Variants in CUEDC1 observed in about 807,000 individuals in gnomAD.
CUEDC1 encodes CUE domain containing 1.
A neutral mutation model predicts 43.7 loss-of-function variants in CUEDC1; 30 were observed. That is an observed-to-expected ratio of 0.69 (90% CI 0.51 to 0.93). The LOEUF (loss-of-function observed/expected upper bound fraction) is 0.93. Ranked by LOEUF, CUEDC1 falls within the 40% of genes least tolerant of loss-of-function variation. The probability of loss-of-function intolerance (pLI) is 0.00; values close to 1 mark genes in which losing one functional copy is unlikely to be tolerated. For synonymous variants in CUEDC1, 223 were observed against 223.6 expected (o/e 1.00, Z 0.02); for missense variants, 486 against 549.0 (o/e 0.89, Z 1.15).
At chr17:57,867,952 C>T (rs566128489) in intron 8 of CUEDC1, among the ~76,000 whole-genome samples, 198 bp downstream of exon 8, 1 of 152,286 alleles carries the variant, frequency 6.6e-6, no homozygotes, top group South Asian at 2.1e-4. Flanking sequence ...GCTCCCTAGG[C>T]CTGGTCCCTG....
At chr17:57,940,292 A>G (rs2074905688) in intron 1 of CUEDC1, among the ~76,000 whole-genome samples, 3 of 151,640 alleles carry the variant, frequency 2.0e-5, no homozygotes, top group African/African-American at 7.3e-5. Flanking sequence ...TAAGCGATTC[A>G]GCCAGAGGCA....
chr17:57,949,675 C>T (rs545254613), intron 1 of CUEDC1, among the ~76,000 whole-genome samples: 12 of 148,884 alleles, frequency 8.1e-5, no homozygotes, highest in African/African-American at 2.5e-4. Flanking sequence ...CAGGCTCAAG[C>T]GATCCTCCCA....
At chr17:57,908,986 G>A (rs915984412) in intron 1 of CUEDC1, among the ~76,000 whole-genome samples, 2 of 151,676 alleles carry the variant, frequency 1.3e-5, no homozygotes. Flanking sequence ...GACAGAACGA[G>A]ACTGTCTCAA....
rs117785235 is a variant in CUEDC1, at chr17:57,926,346, G to A, written c.-316+28879C>T. ...CACCAAGCCAAAAAGGTGGGCAGGAGGAAAGAGCATTGGCCTAGCAGTCAG... is the reference window on the plus strand; with the variant it reads ...CACCAAGCCAAAAAGGTGGGCAGGAAGAAAGAGCATTGGCCTAGCAGTCAG... On this transcript the variant is annotated intron_variant, in intron 1 of 10. Transcript: ENST00000577830. Among the ~76,000 whole-genome samples, 1,001 of 152,258 alleles carry A rather than the reference G, an allele frequency of 6.6e-3. 2 individuals are homozygous for A. The highest frequency in any genetic ancestry group is 0.01 in the Non-Finnish European group (690 of 68,026).
intron 1 of CUEDC1, among the ~76,000 whole-genome samples, chr17:57,951,407 T>A (rs1209709418): frequency 6.6e-6 from 1 of 152,062 alleles, no homozygotes; most frequent in African/African-American, 2.4e-5. Flanking sequence ...GATGAAAATG[T>A]GCACAAAATA....
chr17:57,882,058 T>C (rs780559275), intron 2 of CUEDC1, among the ~76,000 whole-genome samples: 1 of 152,290 alleles, frequency 6.6e-6, no homozygotes, highest in East Asian at 1.9e-4. Context: ...GCTTAACTCA[T>C]TGTGGGTGAT....
chr17:57,946,738 C>G (rs1165008155), intron 1 of CUEDC1, among the ~76,000 whole-genome samples: 1 of 152,104 alleles, frequency 6.6e-6, no homozygotes, highest in Non-Finnish European at 1.5e-5. Flanking sequence ...TTCCCTAGCT[C>G]GAGGCTCAGT....
At chr17:57,918,330 C>T (rs142232366) in intron 1 of CUEDC1, among the ~76,000 whole-genome samples, 1 of 152,288 alleles carries the variant, frequency 6.6e-6, no homozygotes, top group East Asian at 1.9e-4. Flanking sequence ...CTGGGTCTGC[C>T]AGTTCTCCCC....
chr17:57,899,686 C>T (rs866670386), intron 1 of CUEDC1, among the ~76,000 whole-genome samples: 14 of 152,200 alleles, frequency 9.2e-5, no homozygotes, highest in Middle Eastern at 3.2e-3. Flanking sequence ...CCACATGCTC[C>T]TCCCAGGCCC....
rs1416823969 is a variant in CUEDC1, at chr17:57,954,470, G to A, written c.-316+755C>T. Among the ~76,000 whole-genome samples the A allele has an allele frequency of 6.6e-6, 1 of 152,182 alleles. No individual in the cohort carries two copies. The highest frequency in any genetic ancestry group is 1.5e-5 in the Non-Finnish European group (1 of 68,040). ...GGGGAAAAGAAATGGGCAGGGCAGT[G>A]CTGGGTGTAAGGCGACCACGCGACC... On this transcript the variant is annotated intron_variant, in intron 1 of 10. Transcript: ENST00000577830. This position sits in a 1 kb window ranked among gnomAD's most constrained non-coding sequence, Gnocchi z 4.3.
In CUEDC1 at chr17:57,885,496, GC is replaced by G; in HGVS notation, c.68del (p.Gly23AlafsTer65). 6.7e-7 allele frequency: 1 copy of G among 1,498,168 alleles called. No homozygotes were observed. The allele number at this position is 1,498,168 out of a possible 1,614,324, so 92.8% of individuals were successfully genotyped here. A position where few individuals can be genotyped will look rare whatever the true frequency, so the allele number is the denominator to read the frequency against. ...GGGGTAGARG[G>X]GGGTAAPQEL... is the part of the protein sequence containing the mutation. ...CCTGGGGGGCGGCCGTGCCTCCCCC[GC>G]CCCCGCGTGCCCCGGCGGTGCCACC... On this transcript the variant is annotated frameshift_variant, in exon 2 of 11. Transcript: ENST00000577830. LOFTEE classifies it high-confidence loss of function.
At chr17:57,920,414 G>A (rs2074686864) in intron 1 of CUEDC1, among the ~76,000 whole-genome samples, 1 of 150,192 alleles carries the variant, frequency 6.7e-6, no homozygotes, top group East Asian at 1.9e-4. Context: ...CTTTCTCCAT[G>A]CACACACACA....
intron 1 of CUEDC1, among the ~76,000 whole-genome samples, chr17:57,919,699 C>G (rs555661655): frequency 2.0e-5 from 3 of 152,284 alleles, no homozygotes; most frequent in Non-Finnish European, 4.4e-5. Context: ...CTGGGTGTAA[C>G]TTTATTTCTG....
chr17:57,865,058 AAATGAATGAATGAATGAATG>A (rs140245915), intron 10 of CUEDC1, among the ~76,000 whole-genome samples: 3 of 151,600 alleles, frequency 2.0e-5, no homozygotes, highest in Non-Finnish European at 4.4e-5. Context: ...CTCTGTCTCA[AAATGAATGAATGAATGAATG>A]AATGAATGAA....
At chr17:57,934,662 C>T (rs1255620394) in intron 1 of CUEDC1, among the ~76,000 whole-genome samples, 1 of 151,364 alleles carries the variant, frequency 6.6e-6, no homozygotes, top group East Asian at 1.9e-4. Context: ...TCTACTCATT[C>T]CTTAACAGAT....
chr17:57,938,513 G>A (rs530514520), intron 1 of CUEDC1, among the ~76,000 whole-genome samples: 21 of 152,204 alleles, frequency 1.4e-4, no homozygotes, highest in South Asian at 2.1e-4. Context: ...TGAGAGAGCT[G>A]GCAGCACCAT....
chr17:57,870,530 G>A (rs997464599), intron 6 of CUEDC1, among the ~76,000 whole-genome samples: 1 of 152,134 alleles, frequency 6.6e-6, no homozygotes, highest in Non-Finnish European at 1.5e-5. Flanking sequence ...CCATGCATTT[G>A]CTAAAATCAG....
chr17:57,867,450 G>A (rs1163522597), intron 8 of CUEDC1, 35 bp from the exon 9 acceptor site: 9 of 1,538,188 alleles, frequency 5.9e-6, no homozygotes, highest in Non-Finnish European at 7.0e-6. Flanking sequence ...TCCCAGGGAT[G>A]AGGGGACACT....
At chr17:57,896,487 G>GGGGGGGGGGGTGT (rs375270781) in intron 1 of CUEDC1, among the ~76,000 whole-genome samples, 3 of 130,280 alleles carry the variant, frequency 2.3e-5, no homozygotes, top group South Asian at 2.5e-4. Context: ...TGCATTATGG[G>GGGGGGGGGGGTGT]GTGTGTGTGT....
Sources: gnomAD v4.1 joint callset for allele counts (sites outside exome capture counted in the v4.1 genomes callset) on GRCh38, gnomAD v4.1.1 for gene constraint, Gnocchi (gnomAD v3.1) non-coding constraint, MANE v1.5 for transcripts, NCBI Gene and HGNC (gene_info 2026-07-23, HGNC 2026-07-21) for gene names.